CDC16: variants seen among roughly 807,000 people sequenced by gnomAD.
CDC16 encodes cell division cycle 16.
A neutral mutation model predicts 87.0 loss-of-function variants in CDC16; 34 were observed. That is an observed-to-expected ratio of 0.39 (90% confidence interval 0.30 to 0.52). CDC16 has a LOEUF of 0.52. Among genes scored for constraint, CDC16 ranks in the 20% least tolerant of loss-of-function variants. CDC16 has a pLI of 0.74. For synonymous variants in CDC16, 263 were observed against 260.6 expected, an observed-to-expected ratio of 1.01 and a Z score of -0.09; for missense variants, 653 against 751.9, an observed-to-expected ratio of 0.87 and a Z score of 1.54.
At chr13:114,256,602 C>T (rs151125714) in intron 12 of CDC16, among the ~76,000 whole-genome samples, 1 of 152,320 alleles carries the variant, frequency 6.6e-6, no homozygotes. Context: ...TTATTCATAA[C>T]TCTTCTGCAT....
chr13:114,252,053 C>T (rs1358603132), intron 12 of CDC16, among the ~76,000 whole-genome samples: 1 of 151,066 alleles, frequency 6.6e-6, no homozygotes, highest in Non-Finnish European at 1.5e-5. Flanking sequence ...GAGCCCTACA[C>T]TAACCCTATT....
chr13:114,238,024 G>A (rs1476906431), intron 3 of CDC16, among the ~76,000 whole-genome samples: 3 of 152,108 alleles, frequency 2.0e-5, no homozygotes, highest in Non-Finnish European at 4.4e-5. Context: ...ATCAATACCT[G>A]GAGCACGTGC....
intron 13 of CDC16, among the ~76,000 whole-genome samples, chr13:114,257,535 C>G (rs944860139): frequency 6.6e-6 from 1 of 152,116 alleles, no homozygotes; most frequent in Admixed American, 6.5e-5. Flanking sequence ...TTAGTTATCT[C>G]TGTGTTGATA....
At chr13:114,260,207 A>G (rs2082752408) in intron 14 of CDC16, among the ~76,000 whole-genome samples, 1 of 152,150 alleles carries the variant, frequency 6.6e-6, no homozygotes, top group Non-Finnish European at 1.5e-5. Flanking sequence ...CTCCCTGCCA[A>G]GCGATCTGCC....
At position 114,272,389 on chromosome 13, in the gene CDC16, A is replaced by C; in HGVS notation, c.1809A>C (p.Glu603Asp). ...CCTTGGAAGAAACCTTTGAAATTGA[A>C]ATGAATGAAAGTGACATGATGTTAG... The part of the protein sequence containing the change: ...RPSLEETFEI[E>D]MNESDMMLET... The change falls in exon 18 of 18, where the codon GAA becomes GAC. Residue 603 changes from glutamate (E) to aspartate (D), a missense_variant. Glu to Asp is a conservative substitution (Grantham distance 45). Transcript: ENST00000356221. 2.5e-6 allele frequency: 4 copies of C among 1,614,108 alleles called. No individual in the cohort carries two copies. Among genetic ancestry groups the C allele is most frequent in the Non-Finnish European group, 3.4e-6 (4 of 1,179,914 alleles).
Position 114,243,839 on chromosome 13 carries a change from A to G in CDC16, c.634-17A>G, listed in dbSNP as rs2081695591. 2.5e-6 allele frequency: 4 copies of G among 1,595,732 alleles called. No homozygotes were observed. The highest frequency in any genetic ancestry group is 1.1e-5 in the South Asian group (1 of 88,256). Reference sequence around the variant, plus strand: ...TTTTGCTCATTGAGTTTATGTTTACATTTCTATGTGTTTCAGTATAATAAG... The same window carrying G: ...TTTTGCTCATTGAGTTTATGTTTACGTTTCTATGTGTTTCAGTATAATAAG... On this transcript the variant is annotated splice_polypyrimidine_tract_variant and intron_variant, in intron 7 of 17. Transcript: ENST00000356221.
chr13:114,246,054 G>T lies in CDC16; in HGVS notation c.897+5G>T. On this transcript the variant is annotated splice_donor_5th_base_variant and intron_variant, in intron 10 of 17. Coordinates refer to ENST00000356221, the MANE Select transcript of CDC16 (RefSeq NM_001078645.3). The stretch of plus-strand genomic sequence containing the variant: ...GATTTATATCCTAGTAATCCTGTAA[G>T]TAATATAACTTTTAGTCTTAGTTTT... 3 of 1,332,992 alleles carry T rather than the reference G, an allele frequency of 2.3e-6. No individual in the cohort carries two copies. Among genetic ancestry groups the T allele is most frequent in the East Asian group, 2.4e-5 (1 of 42,058 alleles). The allele number at this position is 1,332,992 out of a possible 1,614,324, so 82.6% of individuals were successfully genotyped here. A position where few individuals can be genotyped will look rare whatever the true frequency, so the allele number is the denominator to read the frequency against.
chr13:114,240,568 G>A (rs1219130410), intron 5 of CDC16, among the ~76,000 whole-genome samples: 1 of 152,076 alleles, frequency 6.6e-6, no homozygotes, highest in African/African-American at 2.4e-5. Context: ...GTGTTGCCCA[G>A]GATGGTCTCA....
intron 3 of CDC16, among the ~76,000 whole-genome samples, chr13:114,237,406 C>T (rs2081310110): frequency 6.6e-6 from 1 of 152,122 alleles, no homozygotes; most frequent in Non-Finnish European, 1.5e-5. Context: ...CCTTCTGCCT[C>T]AGCCTCCCTA....
At chr13:114,270,072 G>T (rs536316640) in intron 17 of CDC16, among the ~76,000 whole-genome samples, 23 of 152,270 alleles carry the variant, frequency 1.5e-4, no homozygotes, top group African/African-American at 5.5e-4. Context: ...GAAGATTAGT[G>T]TATTAGTTCA....
intron 5 of CDC16, among the ~76,000 whole-genome samples, chr13:114,240,185 C>T (rs2081473909): frequency 6.6e-6 from 1 of 151,958 alleles, no homozygotes; most frequent in African/African-American, 2.4e-5. Flanking sequence ...CTTACCTGAC[C>T]TACCAATTTC....
At chr13:114,257,254 C>A in intron 13 of CDC16, 24 bp downstream of exon 13, 1 of 1,568,456 alleles carries the variant, frequency 6.4e-7, no homozygotes, top group South Asian at 1.2e-5. Flanking sequence ...GACCAGAAAC[C>A]CTTCTGTTAA....
intron 12 of CDC16, among the ~76,000 whole-genome samples, chr13:114,256,607 C>T (rs1249629820): frequency 6.6e-6 from 1 of 152,172 alleles, no homozygotes; most frequent in Non-Finnish European, 1.5e-5. Context: ...CATAACTCTT[C>T]TGCATAGAAC....
intron 8 of CDC16, 80 bp from the exon 9 acceptor site, chr13:114,244,810 G>A (rs1412050002): frequency 1.3e-6 from 1 of 789,490 alleles, no homozygotes; most frequent in Non-Finnish European, 2.2e-6. Context: ...ATACCATAAT[G>A]ACTGTCTACA....
At chr13:114,237,815 TTCTC>T (rs1344605520) in intron 3 of CDC16, among the ~76,000 whole-genome samples, 3 of 152,182 alleles carry the variant, frequency 2.0e-5, no homozygotes, top group Admixed American at 6.5e-5. Context: ...CAGTAACAGT[TTCTC>T]TCTTCTTATC....
At chr13:114,258,248 A>C (rs2139081625) in intron 13 of CDC16, among the ~76,000 whole-genome samples, 1 of 152,340 alleles carries the variant, frequency 6.6e-6, no homozygotes. Flanking sequence ...TACTCATTAA[A>C]ATTTATTTGT....
rs1335513469 is a variant in CDC16, at chr13:114,235,071, G to C, written c.-14G>C. 1 of 1,246,846 alleles carries C rather than the reference G, an allele frequency of 8.0e-7. No homozygotes were observed. The highest frequency in any genetic ancestry group is 3.1e-5 in the East Asian group (1 of 31,800). The allele number at this position is 1,246,846 out of a possible 1,614,324, so 77.2% of individuals were successfully genotyped here. ...TAGCGGCGGAGTGTGGCGTGAGGCC[G>C]GGCCCGCGCCGCCATGAACCTAGAG... On this transcript the variant is annotated 5_prime_UTR_variant, in exon 1 of 18. Coordinates refer to ENST00000356221, the MANE Select transcript of CDC16 (RefSeq NM_001078645.3).
At chr13:114,245,853 A>T in intron 9 of CDC16, 147 bp from the exon 10 acceptor site, 1 of 601,678 alleles carries the variant, frequency 1.7e-6, no homozygotes, top group East Asian at 3.1e-5. Flanking sequence ...CCAGTTAGAG[A>T]GTTAATTTTT....
At chr13:114,270,146 G>A (rs1367518150) in intron 17 of CDC16, among the ~76,000 whole-genome samples, 2 of 152,172 alleles carry the variant, frequency 1.3e-5, no homozygotes, top group South Asian at 2.1e-4. Context: ...AATGTAATTG[G>A]CTCACAGTTC....
Sources: gnomAD v4.1 joint callset for allele counts (sites outside exome capture counted in the v4.1 genomes callset) on GRCh38, gnomAD v4.1.1 for gene constraint, MANE v1.5 for transcripts, NCBI Gene and HGNC (gene_info 2026-07-23, HGNC 2026-07-21) for gene names.